RPS6KC1: variants seen among roughly 807,000 people sequenced by gnomAD.
RPS6KC1 encodes the protein inactive ribosomal protein S6 kinase delta-1.
Under a neutral mutation model 103.8 loss-of-function variants are expected in RPS6KC1, and 54 were observed. The ratio of observed to expected loss-of-function variants is 0.52; its 90% CI spans 0.42 to 0.65. RPS6KC1 has a LOEUF of 0.65. RPS6KC1 is among the 30% of genes least tolerant of loss of function. The pLI is 0.00. For synonymous variants in RPS6KC1, 439 were observed against 438.7 expected (o/e 1.00, Z -0.01); for missense variants, 1,151 against 1,253.8 (o/e 0.92, Z 1.24).
chr1:213,817,917 C>T, the RPS6KC1 span: 3 of 151,080 alleles, frequency 2.0e-5, no homozygotes, highest in East Asian at 1.9e-4. Flanking sequence ...ACAATATCTG[C>T]GTAATTCTCA....
the RPS6KC1 span, among the ~76,000 whole-genome samples, chr1:213,533,209 G>A: frequency 1.2e-3 from 186 of 152,234 alleles, no homozygotes; most frequent in Admixed American, 1.6e-3. Context: ...TGAGTCCAGC[G>A]GCAGTGGGAA....
the RPS6KC1 span, among the ~76,000 whole-genome samples, chr1:213,316,823 A>G: frequency 6.6e-6 from 1 of 152,078 alleles, no homozygotes; most frequent in Non-Finnish European, 1.5e-5. Context: ...CAGAAAGGAA[A>G]TGAGGAAATA....
intron 6 of RPS6KC1, among the ~76,000 whole-genome samples, chr1:213,141,123 C>T (rs1442332962): frequency 6.6e-6 from 1 of 152,068 alleles, no homozygotes; most frequent in African/African-American, 2.4e-5. Context: ...ACTCAAACTC[C>T]TGACCTCAGG....
At chr1:213,557,978 GA>G in the RPS6KC1 span, among the ~76,000 whole-genome samples, 2 of 152,174 alleles carry the variant, frequency 1.3e-5, no homozygotes, top group Non-Finnish European at 2.9e-5. Flanking sequence ...TTCTCTGAAA[GA>G]GAAGGAAAAC....
At chr1:213,219,551 C>T (rs762667648) in intron 8 of RPS6KC1, among the ~76,000 whole-genome samples, 13 of 152,268 alleles carry the variant, frequency 8.5e-5, no homozygotes, top group Admixed American at 2.0e-4. Context: ...TATAAAGACA[C>T]ATGCACACGT....
the RPS6KC1 span, among the ~76,000 whole-genome samples, chr1:213,404,177 C>T: frequency 1.3e-5 from 2 of 152,150 alleles, no homozygotes; most frequent in African/African-American, 4.8e-5. Context: ...AGGGGGCTGC[C>T]TTTCCACCTT....
the RPS6KC1 span, among the ~76,000 whole-genome samples, chr1:213,608,669 TTCACCAGACATAAA>T: frequency 6.6e-6 from 1 of 152,234 alleles, no homozygotes; most frequent in Admixed American, 6.5e-5. Context: ...TATCCAAAAT[TTCACCAGACATAAA>T]TCACCAGTTA....
intron 3 of RPS6KC1, among the ~76,000 whole-genome samples, chr1:213,088,059 G>T (rs1013261298): frequency 6.6e-6 from 1 of 152,164 alleles, no homozygotes; most frequent in African/African-American, 2.4e-5. Context: ...GCATTACCTT[G>T]CTGGTGAGTT....
the RPS6KC1 span, among the ~76,000 whole-genome samples, chr1:213,299,346 G>T: frequency 6.6e-6 from 1 of 152,146 alleles, no homozygotes; most frequent in Non-Finnish European, 1.5e-5. Flanking sequence ...GAGGTCAGGA[G>T]TTCAAGACCA....
the RPS6KC1 span, among the ~76,000 whole-genome samples, chr1:213,512,942 G>GT: frequency 6.6e-6 from 1 of 152,136 alleles, no homozygotes; most frequent in African/African-American, 2.4e-5. Context: ...TCTTTGATCT[G>GT]TTTTTTACCT....
At chr1:213,400,216 G>A in the RPS6KC1 span, among the ~76,000 whole-genome samples, 5 of 152,124 alleles carry the variant, frequency 3.3e-5, no homozygotes, top group African/African-American at 1.2e-4. Flanking sequence ...GGAAGGGAGA[G>A]CAGGAAAGAA....
At chr1:213,379,366 A>C in the RPS6KC1 span, among the ~76,000 whole-genome samples, 1 of 152,136 alleles carries the variant, frequency 6.6e-6, no homozygotes, top group Admixed American at 6.5e-5. Context: ...AAATGGGAAA[A>C]TTGGAGACAG....
the RPS6KC1 span, among the ~76,000 whole-genome samples, chr1:213,442,805 G>A: frequency 2.0e-5 from 3 of 152,224 alleles, no homozygotes; most frequent in East Asian, 3.9e-4. Flanking sequence ...CCCTGGGGAC[G>A]CTGTGTTCCT....
the RPS6KC1 span, among the ~76,000 whole-genome samples, chr1:213,424,603 G>A: frequency 1.1e-4 from 16 of 152,254 alleles, no homozygotes; most frequent in African/African-American, 3.9e-4. Flanking sequence ...GAGCGTTAGT[G>A]CCCATGCTCC....
At chr1:213,652,796 C>T in the RPS6KC1 span, among the ~76,000 whole-genome samples, 4 of 152,272 alleles carry the variant, frequency 2.6e-5, no homozygotes, top group East Asian at 7.7e-4. Context: ...GCCCAACCCA[C>T]CCTGCACCTG....
At chr1:213,745,458 A>G in the RPS6KC1 span, among the ~76,000 whole-genome samples, 6 of 151,042 alleles carry the variant, frequency 4.0e-5, no homozygotes, top group Admixed American at 3.3e-4. Flanking sequence ...TTAGAGGGGG[A>G]AAAGGCTACA....
chr1:213,156,339 T>TA (rs910044793), intron 6 of RPS6KC1, among the ~76,000 whole-genome samples: 6 of 151,914 alleles, frequency 3.9e-5, no homozygotes, highest in Middle Eastern at 3.4e-3. Flanking sequence ...TTTTAAAAAT[T>TA]AAAAAAAAGG....
the RPS6KC1 span, among the ~76,000 whole-genome samples, chr1:213,420,237 C>T: frequency 6.6e-6 from 1 of 152,140 alleles, no homozygotes; most frequent in Admixed American, 6.5e-5. Flanking sequence ...TGTTTAAACC[C>T]ATGTGCTGAA....
At chr1:213,307,274 A>G in the RPS6KC1 span, among the ~76,000 whole-genome samples, 1 of 151,996 alleles carries the variant, frequency 6.6e-6, no homozygotes, top group Non-Finnish European at 1.5e-5. Flanking sequence ...CGTGGTCTCA[A>G]TCTCCTGACC....
Sources: gnomAD v4.1 joint callset for allele counts (sites outside exome capture counted in the v4.1 genomes callset) on GRCh38, gnomAD v4.1.1 for gene constraint, MANE v1.5 for transcripts, NCBI Gene and HGNC (gene_info 2026-07-23, HGNC 2026-07-21) for gene names.